DNAJC2: variants seen among roughly 807,000 people sequenced by gnomAD.
DNAJC2 encodes DnaJ heat shock protein family (Hsp40) member C2.
Under a neutral mutation model 94.0 loss-of-function variants are expected in DNAJC2, and 32 were observed. The observed-to-expected ratio is 0.34, with a 90% CI of 0.26 to 0.46. DNAJC2 has a LOEUF of 0.46. Ranked by LOEUF, DNAJC2 falls within the 20% of genes least tolerant of loss-of-function variation. The pLI is 1.00. For missense variants in DNAJC2, 550 were observed against 719.5 expected (o/e 0.76, Z 2.69); for synonymous variants, 210 against 229.7 (o/e 0.91, Z 0.77).
At chr7:103,321,590 G>A (rs980177237) in intron 10 of DNAJC2, among the ~76,000 whole-genome samples, 3 of 151,524 alleles carry the variant, frequency 2.0e-5, no homozygotes, top group Middle Eastern at 3.4e-3. Context: ...GCTCATGCCT[G>A]TAGTCCCAGC....
intron 15 of DNAJC2, chr7:103,313,691 C>T (rs1438124673): frequency 2.0e-5 from 20 of 985,340 alleles, no homozygotes; most frequent in Non-Finnish European, 2.0e-5. Context: ...TCTTGGGAGC[C>T]GATGCTGAAC....
chr7:103,319,838 T>G lies in DNAJC2; in HGVS notation c.1090A>C (p.Asn364His). 2 of 1,614,098 alleles carry G rather than the reference T, an allele frequency of 1.2e-6. No individual in the cohort carries two copies. Among genetic ancestry groups the G allele is most frequent in the Non-Finnish European group, 1.7e-6 (2 of 1,180,010 alleles). The change falls in exon 11 of 17, where the codon AAT becomes CAT. Residue 364 changes from asparagine to histidine, a missense_variant. Coordinates refer to ENST00000379263, the MANE Select transcript of DNAJC2 (RefSeq NM_014377.3). ...TCTGCCTCATTATCAGAAAAATGAT[T>G]CCAGGTCTAAAAGCACAAACACAAA... ...QKLRNSCKTW[N>H]HFSDNEAERV...
At chr7:103,338,914 TA>T (rs1819278662) in intron 2 of DNAJC2, among the ~76,000 whole-genome samples, 1 of 151,792 alleles carries the variant, frequency 6.6e-6, no homozygotes, top group Admixed American at 6.6e-5. Context: ...CGTCTCAAAA[TA>T]AAATAAAATA....
At chr7:103,320,778 T>TATATATACACATATATATATATATAC (rs1818354257) in intron 10 of DNAJC2, 1 of 173,970 alleles carries the variant, frequency 5.7e-6, no homozygotes, top group South Asian at 1.2e-4. Context: ...TATATATATA[T>TATATATACACATATATATATATATAC]ATATATTCTG....
chr7:103,313,347 G>C, intron 15 of DNAJC2: 1 of 1,186,302 alleles, frequency 8.4e-7, no homozygotes, highest in South Asian at 3.4e-5. Flanking sequence ...GATCTACCTT[G>C]TACTGTTTAT....
intron 12 of DNAJC2, chr7:103,317,286 G>A (rs1818124260): frequency 2.7e-6 from 1 of 367,454 alleles, no homozygotes; most frequent in Non-Finnish European, 4.9e-6. Flanking sequence ...GACACTAATT[G>A]ACAAGTCTGT....
intron 1 of DNAJC2, among the ~76,000 whole-genome samples, chr7:103,342,564 C>T (rs868340170): frequency 9.9e-5 from 15 of 151,716 alleles, no homozygotes; most frequent in East Asian, 1.9e-4. Context: ...CTCGGCCTCC[C>T]AAAGTGTTGG....
In DNAJC2 at chr7:103,327,686, C is replaced by G. The variant is rs762316909; in HGVS notation, c.400G>C (p.Asp134His). Residue 134 changes from aspartate to histidine, a missense_variant, in exon 4 of 17, where the codon GAT becomes CAT. Physicochemically the swap from Asp to His is moderately conservative, Grantham distance 81 (BLOSUM62 -1). Around this residue, in one of 2 missense-constraint regions of DNAJC2, gnomAD observed 279 missense variants for 416.9 expected, o/e 0.67. Transcript: ENST00000379263. ...KAAGEPIKEG[D>H]NDYFTCITKA... Reference sequence around the variant, plus strand: ...GTTATGCAAGTGAAGTAGTCATTATCTCCTTCTTTTATTGGTTCACCAGCT... The same window carrying G: ...GTTATGCAAGTGAAGTAGTCATTATGTCCTTCTTTTATTGGTTCACCAGCT... 3 of 1,612,454 alleles carry G rather than the reference C, an allele frequency of 1.9e-6. No homozygotes were observed. Among genetic ancestry groups the G allele is most frequent in the African/African-American group, 1.3e-5 (1 of 74,968 alleles).
Position 103,326,564 on chromosome 7 carries a change from G to A in DNAJC2, c.551C>T (p.Pro184Leu). 1 of 1,613,856 alleles carries A rather than the reference G, an allele frequency of 6.2e-7. No homozygotes were observed. The stretch of plus-strand genomic sequence containing the variant: ...TTACCTGGAATTCCTTTCAAACACT[G>A]GGGTAAACACTTCGAAGAAATTATC... ...AKDNFFEVFT[P>L]VFERNSRWSN... The change falls in exon 5 of 17, where the codon CCA (proline) becomes CTA (leucine). Residue 184 changes from proline (P) to leucine (L), a missense_variant. Physicochemically the swap from Pro to Leu is moderately conservative, Grantham distance 98. Transcript: ENST00000379263.
rs1406684208 is a variant in DNAJC2, at chr7:103,312,560, C to CAAAG, written c.*5_*8dup. On this transcript the variant is annotated 3_prime_UTR_variant, in exon 17 of 17. Coordinates refer to ENST00000379263, the MANE Select transcript of DNAJC2 (RefSeq NM_014377.3). The stretch of plus-strand genomic sequence containing the variant: ...TTTTATTATAAAAATGCACACACAA[C>CAAAG]AAAGATTGTCATTTCTTGGCTCTAC... The CAAAG allele has an allele frequency of 6.2e-7, 1 of 1,609,668 alleles. No individual in the cohort carries two copies. The highest frequency in any genetic ancestry group is 1.7e-5 in the Admixed American group (1 of 58,978).
chr7:103,320,015 C>T (rs1237238958), intron 10 of DNAJC2, among the ~76,000 whole-genome samples, 171 bp from the exon 11 acceptor site: 1 of 152,178 alleles, frequency 6.6e-6, no homozygotes, highest in Non-Finnish European at 1.5e-5. Flanking sequence ...GCCTGGACAA[C>T]AGAGCAAGAC....
rs1482138020 is a variant in DNAJC2, at chr7:103,327,657, T to C, written c.429A>G (p.Lys143=). ...CCTGACTCTAAAGCATTTTCTTACC[T>C]TTAGTTATGCAAGTGAAGTAGTCAT... The part of the protein sequence containing the change: ...GDNDYFTCIT[K]AYEMLSDPVK... The change falls in exon 4 of 17, where the codon AAA becomes AAG. Residue 143 remains lysine, a splice_region_variant and synonymous_variant. Transcript: ENST00000379263. 6.3e-7 allele frequency: 1 copy of C among 1,585,966 alleles called. No homozygotes were observed. The highest frequency in any genetic ancestry group is 8.6e-7 in the Non-Finnish European group (1 of 1,159,072).
intron 15 of DNAJC2, chr7:103,314,202 T>C (rs1164609262): frequency 3.0e-6 from 3 of 985,332 alleles, no homozygotes; most frequent in Non-Finnish European, 3.6e-6. Flanking sequence ...CCATAGATTT[T>C]ATTTCCTCTC....
chr7:103,317,206 G>T, intron 12 of DNAJC2, 192 bp from the exon 13 acceptor site: 1 of 557,608 alleles, frequency 1.8e-6, no homozygotes, highest in Non-Finnish European at 3.1e-6. Context: ...GTCTGCCTGA[G>T]GGACCAAGAA....
At chr7:103,325,491 AG>A (rs1188714250) in intron 5 of DNAJC2, among the ~76,000 whole-genome samples, 1 of 152,134 alleles carries the variant, frequency 6.6e-6, no homozygotes, top group Non-Finnish European at 1.5e-5. Context: ...CAAGGGAGAA[AG>A]GATGGCGGAA....
At chr7:103,328,978 T>A in intron 3 of DNAJC2, 1 of 1,276,916 alleles carries the variant, frequency 7.8e-7, no homozygotes, top group South Asian at 1.3e-5. Context: ...GAACAAGTTA[T>A]TTTCCAAAAG....
intron 12 of DNAJC2, among the ~76,000 whole-genome samples, chr7:103,318,986 C>T (rs537506577): frequency 1.1e-4 from 16 of 152,040 alleles, no homozygotes; most frequent in South Asian, 4.1e-4. Flanking sequence ...CCAATGCGGA[C>T]GGATCACTTG....
chr7:103,344,262 C>CT, intron 1 of DNAJC2: 1 of 442,522 alleles, frequency 2.3e-6, no homozygotes, highest in Non-Finnish European at 4.0e-6. Context: ...TTATGAGAAC[C>CT]TTTCTGGGGT....
intron 2 of DNAJC2, among the ~76,000 whole-genome samples, chr7:103,341,393 C>G (rs550328415): frequency 3.9e-5 from 6 of 152,128 alleles, no homozygotes; most frequent in Non-Finnish European, 7.4e-5. Flanking sequence ...ATCACCATAC[C>G]GCATGTACCC....
Sources: gnomAD v4.1 joint callset for allele counts (sites outside exome capture counted in the v4.1 genomes callset) on GRCh38, gnomAD v4.1.1 for gene constraint, gnomAD v4.1.1 regional missense constraint, MANE v1.5 for transcripts, NCBI Gene and HGNC (gene_info 2026-07-23, HGNC 2026-07-21) for gene names.